HSPA9: variants seen among roughly 807,000 people sequenced by gnomAD.
HSPA9 encodes stress-70 protein, mitochondrial.
In HSPA9, 28 loss-of-function variants were observed where a neutral mutation model predicts 81.5. The ratio of observed to expected loss-of-function variants is 0.34; its 90% CI spans 0.25 to 0.47. HSPA9 has a LOEUF of 0.47. Among genes scored for constraint, HSPA9 ranks in the 20% least tolerant of loss-of-function variants. HSPA9 has a pLI of 1.00. For missense variants in HSPA9, 678 were observed against 838.0 expected (o/e 0.81, Z 2.36); for synonymous variants, 293 against 290.4 (o/e 1.01, Z -0.09).
Position 138,567,752 on chromosome 5 carries a change from TTC to T in HSPA9, c.536-32_536-31del, listed in dbSNP as rs563308565. The T allele has an allele frequency of 1.2e-4, 177 of 1,529,714 alleles. No homozygotes were observed. The African/African-American group carries it at 1.9e-3, about 17-fold the overall frequency. 94.8% of individuals were successfully genotyped at this position (1,529,714 alleles called of 1,614,324 possible). A position where few individuals can be genotyped will look rare whatever the true frequency, so the allele number is the denominator to read the frequency against. On this transcript the variant is annotated intron_variant, in intron 5 of 16. Coordinates refer to ENST00000297185, the MANE Select transcript of HSPA9 (RefSeq NM_004134.7). The stretch of plus-strand genomic sequence containing the variant: ...AAAAGAATGAAATTCAATCATGGAA[TTC>T]TGTCAGAACAGAATTATTAATATAG...
intron 15 of HSPA9, 43 bp from the exon 16 acceptor site, chr5:138,556,635 T>C (rs1183868998): frequency 6.2e-7 from 1 of 1,606,770 alleles, no homozygotes; most frequent in Non-Finnish European, 8.5e-7. Flanking sequence ...CCAGGTCTCC[T>C]GTACCATTAC....
In HSPA9 at chr5:138,554,870, G is replaced by GA. The variant is rs1750486852; in HGVS notation, c.*1166dup. The GA allele has an allele frequency of 1.3e-5, 2 of 152,304 alleles. No individual in the cohort carries two copies. The highest frequency in any genetic ancestry group is 3.9e-4 in the East Asian group (2 of 5,182). 9.4% of individuals were successfully genotyped at this position (152,304 alleles called of 1,614,324 possible). A position where few individuals can be genotyped will look rare whatever the true frequency, so the allele number is the denominator to read the frequency against. On this transcript the variant is annotated 3_prime_UTR_variant, in exon 17 of 17. Transcript: ENST00000297185. ...GGGACAAGCCAGTACACTGAGGACA[G>GA]AAAAGCAGAAATAGGGAAAGAAATC...
At chr5:138,561,479 G>T in intron 10 of HSPA9, 101 bp downstream of exon 10, 1 of 875,470 alleles carries the variant, frequency 1.1e-6, no homozygotes, top group Non-Finnish European at 1.9e-6. Context: ...CTCCCTTTTA[G>T]GTCACCCCAG....
In HSPA9 at chr5:138,555,893, C is replaced by T. The variant is rs1470031896; in HGVS notation, c.*144G>A. 4.4e-6 allele frequency: 3 copies of T among 679,540 alleles called. No homozygotes were observed. Among genetic ancestry groups the T allele is most frequent in the East Asian group, 2.7e-5 (1 of 36,828 alleles). The allele number at this position is 679,540 out of a possible 1,614,324, so 42.1% of individuals were successfully genotyped here. On this transcript the variant is annotated 3_prime_UTR_variant, in exon 17 of 17. Transcript: ENST00000297185. ...TTAAATGATCACTAGCTAATGGTCA[C>T]TAAATTTACAAATTAAGGAAATTAT...
chr5:138,574,332 T>C (rs1751032189), intron 1 of HSPA9, among the ~76,000 whole-genome samples: 1 of 152,252 alleles, frequency 6.6e-6, no homozygotes, highest in Admixed American at 6.5e-5. Context: ...CGTGGCGCTA[T>C]TAATTTTGGG....
At chr5:138,566,742 C>T (rs754763970) in intron 8 of HSPA9, 24 bp from the exon 9 acceptor site, 7 of 1,543,292 alleles carry the variant, frequency 4.5e-6, no homozygotes, top group Middle Eastern at 1.7e-4. Flanking sequence ...ACATTGAACA[C>T]CAAACACCAG....
chr5:138,574,988 C>T, intron 1 of HSPA9: 1 of 588,250 alleles, frequency 1.7e-6, no homozygotes, highest in Non-Finnish European at 3.0e-6. Context: ...CCATGAGGAC[C>T]ACTACCTGGT....
intron 1 of HSPA9, 26 bp from the exon 2 acceptor site, chr5:138,574,152 C>T: frequency 6.3e-7 from 1 of 1,576,404 alleles, no homozygotes; most frequent in South Asian, 1.1e-5. Flanking sequence ...CTGACTCAGT[C>T]ACCAACCAGT....
chr5:138,561,995 G>A (rs1750670837), intron 9 of HSPA9, among the ~76,000 whole-genome samples: 2 of 151,568 alleles, frequency 1.3e-5, no homozygotes, highest in African/African-American at 2.4e-5. Context: ...CTGGAGTGCA[G>A]TGGCATGATC....
chr5:138,575,264 G>T lies in HSPA9; in HGVS notation c.55C>A (p.Arg19=), dbSNP rs778583393. The T allele has an allele frequency of 9.3e-6, 15 of 1,610,256 alleles. No individual in the cohort carries two copies. Among genetic ancestry groups the T allele is most frequent in the Non-Finnish European group, 1.3e-5 (15 of 1,179,068 alleles). Residue 19 remains arginine (R), a synonymous_variant, in exon 1 of 17, where the codon CGG becomes AGG. Coordinates refer to ENST00000297185, the MANE Select transcript of HSPA9 (RefSeq NM_004134.7). ...TGGTGGCGGGCGGCCGTAGGGCCCC[G>T]GGAGGCTGCGGCGCCCACGAGACGG... is the stretch of plus-strand genomic sequence containing the variant. ...AARLVGAAAS[R]GPTAARHQDS... is the part of the protein sequence containing the mutation.
chr5:138,560,672 T>C (rs1269891607), intron 10 of HSPA9: 4 of 221,236 alleles, frequency 1.8e-5, no homozygotes. Flanking sequence ...GCCATTCTCC[T>C]ACCTCAGCCT....
intron 10 of HSPA9, 96 bp downstream of exon 10, chr5:138,561,484 C>T: frequency 1.1e-6 from 1 of 915,908 alleles, no homozygotes; most frequent in Non-Finnish European, 1.8e-6. Context: ...TTTTAGGTCA[C>T]CCCAGCAGAA....
At chr5:138,574,658 T>C in intron 1 of HSPA9, 1 of 166,396 alleles carries the variant, frequency 6.0e-6, no homozygotes, top group Non-Finnish European at 1.3e-5. Flanking sequence ...ATACAATTCC[T>C]GTTCTCTAAA....
At chr5:138,557,783 G>A (rs1317068667) in intron 13 of HSPA9, 86 bp downstream of exon 13, 3 of 850,796 alleles carry the variant, frequency 3.5e-6, no homozygotes, top group Non-Finnish European at 6.2e-6. Context: ...TAACTGAGGG[G>A]CAAAGAGGAC....
In HSPA9 at chr5:138,555,438, G is replaced by A. The variant is rs1750499323; in HGVS notation, c.*599C>T. On this transcript the variant is annotated 3_prime_UTR_variant, in exon 17 of 17. Transcript: ENST00000297185. ...CCAGACACAGGGCAGAAGGTAGCTA[G>A]AAAAGTATGCCTTAGGGAAGTTAAA... is the stretch of plus-strand genomic sequence containing the variant. 6.5e-6 allele frequency: 1 copy of A among 153,584 alleles called. No individual in the cohort carries two copies. Among genetic ancestry groups the A allele is most frequent in the South Asian group, 2.0e-4 (1 of 4,952 alleles). 9.5% of individuals were successfully genotyped at this position (153,584 alleles called of 1,614,324 possible). A position where few individuals can be genotyped will look rare whatever the true frequency, so the allele number is the denominator to read the frequency against.
intron 15 of HSPA9, 36 bp from the exon 16 acceptor site, chr5:138,556,628 G>C: frequency 6.2e-7 from 1 of 1,610,984 alleles, no homozygotes; most frequent in Non-Finnish European, 8.5e-7. Context: ...TACTTTTCCA[G>C]GTCTCCTGTA....
At chr5:138,573,218 G>A (rs571539630) in intron 3 of HSPA9, among the ~76,000 whole-genome samples, 3 of 152,122 alleles carry the variant, frequency 2.0e-5, no homozygotes, top group East Asian at 1.9e-4. Flanking sequence ...TAGTAGAGAC[G>A]GGGTTTCACC....
chr5:138,561,145 G>A (rs561655331), intron 10 of HSPA9: 1 of 460,548 alleles, frequency 2.2e-6, no homozygotes, highest in South Asian at 1.5e-5. Context: ...AAGCTGCAAA[G>A]ACACATGTAC....
chr5:138,573,990 G>C (rs201683104), intron 2 of HSPA9, 78 bp downstream of exon 2: 58 of 1,162,086 alleles, frequency 5.0e-5, no homozygotes, highest in Non-Finnish European at 7.0e-5. Flanking sequence ...TTACAGAGAA[G>C]AATAATCACA....
Sources: allele counts gnomAD v4.1 joint callset (sites outside exome capture counted in the v4.1 genomes callset), GRCh38; gene constraint gnomAD v4.1.1; transcripts MANE v1.5; gene names NCBI Gene and HGNC (gene_info 2026-07-23, HGNC 2026-07-21).